CLIC5: variants seen among roughly 807,000 people sequenced by gnomAD.
The protein encoded by CLIC5 is CLIC family member 5, also known as chloride intracellular channel protein 5.
CLIC5 carries 20 observed loss-of-function variants against 24.7 expected under a neutral mutation model. That is an observed-to-expected ratio of 0.81 (90% confidence interval 0.57 to 1.18). The LOEUF (loss-of-function observed/expected upper bound fraction) is 1.18, where lower values mean the gene tolerates loss of function less well. CLIC5 is among the 50% of genes most tolerant of loss of function. The probability of loss-of-function intolerance (pLI) is 0.00; values close to 1 mark genes in which losing one functional copy is unlikely to be tolerated. For missense variants in CLIC5, 341 were observed against 326.1 expected, an observed-to-expected ratio of 1.05 and a Z score of -0.35; for synonymous variants, 159 against 135.6, an observed-to-expected ratio of 1.17 and a Z score of -1.20.
At chr6:45,951,013 C>T (rs985155506) in intron 2 of CLIC5, among the ~76,000 whole-genome samples, 1 of 152,124 alleles carries the variant, frequency 6.6e-6, no homozygotes, top group African/African-American at 2.4e-5. Context: ...AATGCAACTT[C>T]TGCTTTGTGA....
exon 1 of CLIC5, chr6:46,080,249 T>G (rs1348035825): frequency 6.5e-7 from 1 of 1,548,032 alleles, no homozygotes; most frequent in South Asian, 1.2e-5. Flanking sequence ...TCATGCTTAT[T>G]GATCCGAGAG....
intron 1 of CLIC5, among the ~76,000 whole-genome samples, chr6:45,966,363 T>G (rs541641849): frequency 6.6e-6 from 1 of 151,200 alleles, no homozygotes; most frequent in South Asian, 2.1e-4. Flanking sequence ...TCAGATATTC[T>G]GATTTAATTA....
At chr6:46,047,386 A>G (rs1767982181) in intron 1 of CLIC5, among the ~76,000 whole-genome samples, 1 of 152,206 alleles carries the variant, frequency 6.6e-6, no homozygotes, top group Non-Finnish European at 1.5e-5. Flanking sequence ...TCATGTCACA[A>G]TATAAATGTA....
chr6:45,903,754 A>G (rs538824014), intron 5 of CLIC5, among the ~76,000 whole-genome samples: 7 of 152,362 alleles, frequency 4.6e-5, no homozygotes, highest in African/African-American at 1.7e-4. Context: ...AGAAACATGT[A>G]TGATGGCTAG....
chr6:45,985,097 A>C (rs1184521871), intron 1 of CLIC5, among the ~76,000 whole-genome samples: 2 of 152,174 alleles, frequency 1.3e-5, no homozygotes, highest in African/African-American at 4.8e-5. Context: ...AGGGCCTGGA[A>C]AGGCCTTCTA....
chr6:45,907,233 T>G (rs1762685674), intron 5 of CLIC5, among the ~76,000 whole-genome samples: 1 of 152,230 alleles, frequency 6.6e-6, no homozygotes, highest in African/African-American at 2.4e-5. Flanking sequence ...GTTTTTGTCA[T>G]GAAGGGATGT....
At position 45,955,198 on chromosome 6, in the gene CLIC5, C is replaced by A; in HGVS notation, c.110G>T (p.Arg37Leu). 2 of 1,614,012 alleles carry A rather than the reference C, an allele frequency of 1.2e-6. No homozygotes were observed. The highest frequency in any genetic ancestry group is 1.3e-5 in the African/African-American group (1 of 75,030). ...TTTCAGCCAGAGGATCATGAAGAGG[C>A]GCTGAGAGAAAGGACAGTTGCCGAT... Reference protein sequence around the residue: ...ESIGNCPFSQRLFMILWLKGV... With the variant: ...ESIGNCPFSQLLFMILWLKGV... The change falls in exon 2 of 6, where the codon CGC (arginine) becomes CTC (leucine). Residue 37 changes from arginine (R) to leucine (L), a missense_variant. By Grantham distance (102) the Arg-to-Leu change is moderately radical. Transcript: ENST00000339561.
chr6:46,102,917 TA>T, the CLIC5 span, among the ~76,000 whole-genome samples: 1 of 152,258 alleles, frequency 6.6e-6, no homozygotes, highest in African/African-American at 2.4e-5. Context: ...GAAGAATTGG[TA>T]ATATTGCTCT....
At chr6:46,007,007 G>A (rs1230234458) in intron 1 of CLIC5, among the ~76,000 whole-genome samples, 4 of 152,064 alleles carry the variant, frequency 2.6e-5, no homozygotes, top group South Asian at 2.1e-4. Flanking sequence ...CCTTATTTCT[G>A]TACTTCTTCT....
chr6:45,977,368 T>A (rs1765418471), intron 1 of CLIC5, among the ~76,000 whole-genome samples: 3 of 152,204 alleles, frequency 2.0e-5, no homozygotes, highest in African/African-American at 7.2e-5. Flanking sequence ...TGTGGCTTTT[T>A]TTGAAAGATG....
At chr6:46,005,224 T>A (rs1006391748) in intron 1 of CLIC5, among the ~76,000 whole-genome samples, 1 of 152,222 alleles carries the variant, frequency 6.6e-6, no homozygotes. Flanking sequence ...TCACTGCACA[T>A]CCTCCCCTCC....
intron 1 of CLIC5, among the ~76,000 whole-genome samples, chr6:46,006,976 A>G (rs1766609822): frequency 6.6e-6 from 1 of 152,016 alleles, no homozygotes; most frequent in Admixed American, 6.6e-5. Flanking sequence ...CCAGCCCCAA[A>G]AGACATTTTT....
At chr6:46,099,283 T>C in the CLIC5 span, among the ~76,000 whole-genome samples, 2 of 152,332 alleles carry the variant, frequency 1.3e-5, no homozygotes, top group Admixed American at 6.5e-5. Context: ...GCAGAAAAAT[T>C]ACCAGACCGA....
chr6:46,055,013 CT>C (rs1365326766), intron 1 of CLIC5, among the ~76,000 whole-genome samples: 1 of 152,188 alleles, frequency 6.6e-6, no homozygotes, highest in African/African-American at 2.4e-5. Context: ...GAGATGTTCC[CT>C]TTTCTGTAAA....
At chr6:45,986,933 A>G (rs1339153117) in intron 1 of CLIC5, among the ~76,000 whole-genome samples, 6 of 152,214 alleles carry the variant, frequency 3.9e-5, no homozygotes, top group Non-Finnish European at 8.8e-5. Flanking sequence ...TTTGTACACA[A>G]TTCCAGGATA....
chr6:45,955,963 G>A (rs1367044115), intron 1 of CLIC5, among the ~76,000 whole-genome samples: 3 of 152,076 alleles, frequency 2.0e-5, no homozygotes, highest in Admixed American at 2.0e-4. Context: ...AATTAGCCAG[G>A]GGATTGAAAA....
the CLIC5 span, among the ~76,000 whole-genome samples, chr6:46,101,291 TG>T: frequency 1.3e-5 from 2 of 152,226 alleles, no homozygotes; most frequent in South Asian, 4.1e-4. Context: ...ATCATGTCCT[TG>T]GGAAAGGAAT....
At chr6:45,995,981 GGA>G (rs1444218906) in intron 1 of CLIC5, among the ~76,000 whole-genome samples, 1 of 152,056 alleles carries the variant, frequency 6.6e-6, no homozygotes, top group Non-Finnish European at 1.5e-5. Flanking sequence ...TGGGGTGGGG[GGA>G]GAGAGAGCAT....
chr6:46,116,620 A>T, the CLIC5 span, among the ~76,000 whole-genome samples: 1 of 152,190 alleles, frequency 6.6e-6, no homozygotes, highest in East Asian at 1.9e-4. Context: ...AATTTACCTC[A>T]ATTTGAACAA....
Sources: allele counts gnomAD v4.1 joint callset (sites outside exome capture counted in the v4.1 genomes callset), GRCh38; gene constraint gnomAD v4.1.1; transcripts MANE v1.5; gene names NCBI Gene and HGNC (gene_info 2026-07-23, HGNC 2026-07-21).